The following UBE2E2 variants were observed in gnomAD, a reference collection of about 807,000 sequenced individuals.
The protein encoded by UBE2E2 is ubiquitin conjugating enzyme E2 E2.
A neutral mutation model predicts 24.7 loss-of-function variants in UBE2E2; 6 were observed. That is an observed-to-expected ratio of 0.24 (90% confidence interval 0.13 to 0.48). UBE2E2 has a LOEUF of 0.48. Ranked by LOEUF, UBE2E2 falls within the 20% of genes least tolerant of loss-of-function variation. The pLI is 0.99. For synonymous variants in UBE2E2, 104 were observed against 83.6 expected (o/e 1.24, Z -1.33); for missense variants, 169 against 245.0 (o/e 0.69, Z 2.07).
chr3:23,373,490 A>G (rs905299538), intron 3 of UBE2E2, among the ~76,000 whole-genome samples: 1 of 152,120 alleles, frequency 6.6e-6, no homozygotes, highest in South Asian at 2.1e-4. Context: ...CTTGGTGCCT[A>G]AGACACCAAA....
chr3:23,527,897 T>C (rs1575686894), intron 4 of UBE2E2, among the ~76,000 whole-genome samples: 1 of 151,918 alleles, frequency 6.6e-6, no homozygotes, highest in South Asian at 2.1e-4. Context: ...TCCTTTGTAA[T>C]ATATTTTATA....
chr3:23,216,954 G>T (rs1286835902), intron 2 of UBE2E2, among the ~76,000 whole-genome samples: 1 of 152,114 alleles, frequency 6.6e-6, no homozygotes, highest in Non-Finnish European at 1.5e-5. Context: ...AAGTTAAAAT[G>T]ACCCATGAAT....
At chr3:23,551,662 C>T (rs189011788) in intron 5 of UBE2E2, among the ~76,000 whole-genome samples, 7 of 152,128 alleles carry the variant, frequency 4.6e-5, no homozygotes, top group Admixed American at 1.3e-4. Flanking sequence ...AGAGGATTAT[C>T]CTGGAGTAGA....
intron 3 of UBE2E2, among the ~76,000 whole-genome samples, chr3:23,441,538 CA>C (rs147766521): frequency 1.0e-3 from 96 of 95,764 alleles, no homozygotes; most frequent in Admixed American, 2.0e-3. Context: ...GACTCCGTCT[CA>C]AAAAAAAAAA....
At chr3:23,333,631 G>C (rs1329830795) in intron 3 of UBE2E2, among the ~76,000 whole-genome samples, 1 of 152,022 alleles carries the variant, frequency 6.6e-6, no homozygotes, top group Non-Finnish European at 1.5e-5. Context: ...CATTACAAGA[G>C]AATGATGAAT....
downstream of UBE2E2, chr3:23,591,925 C>G (rs926731360): frequency 2.6e-5 from 4 of 152,062 alleles, no homozygotes; most frequent in Admixed American, 2.0e-4. Context: ...TATTAAACTG[C>G]TTTTTTCCCC....
intron 5 of UBE2E2, among the ~76,000 whole-genome samples, chr3:23,537,426 T>A (rs1307155853): frequency 6.6e-6 from 1 of 152,234 alleles, no homozygotes; most frequent in Non-Finnish European, 1.5e-5. Flanking sequence ...CAGTCTTAGA[T>A]GTGTGCAGAT....
At chr3:23,304,909 AC>A (rs1699200204) in intron 3 of UBE2E2, among the ~76,000 whole-genome samples, 1 of 151,808 alleles carries the variant, frequency 6.6e-6, no homozygotes, top group African/African-American at 2.4e-5. Flanking sequence ...AGTGAATCTT[AC>A]CCATGGATGA....
chr3:23,269,437 G>A (rs1327764170), intron 3 of UBE2E2, among the ~76,000 whole-genome samples: 1 of 152,124 alleles, frequency 6.6e-6, no homozygotes, highest in Non-Finnish European at 1.5e-5. Context: ...TTGCTCTTGG[G>A]GACACATTGA....
chr3:23,279,855 G>A (rs765315669), intron 3 of UBE2E2, among the ~76,000 whole-genome samples: 7 of 152,182 alleles, frequency 4.6e-5, no homozygotes, highest in Non-Finnish European at 7.4e-5. Flanking sequence ...TAACAGTGTA[G>A]GCATACATGA....
chr3:23,424,627 A>T (rs536140847), intron 3 of UBE2E2, among the ~76,000 whole-genome samples: 7 of 152,172 alleles, frequency 4.6e-5, no homozygotes, highest in African/African-American at 1.4e-4. Flanking sequence ...TTTAAGAATG[A>T]AAAAGCAAAT....
intron 3 of UBE2E2, among the ~76,000 whole-genome samples, chr3:23,492,126 T>C (rs1699512517): frequency 6.6e-6 from 1 of 152,146 alleles, no homozygotes; most frequent in Non-Finnish European, 1.5e-5. Flanking sequence ...ACAAACAACA[T>C]GGAGTAGAAC....
rs538479663 is a variant in UBE2E2, at chr3:23,588,418, T to G, written c.509-1316T>G. 8.8e-4 allele frequency among the ~76,000 whole-genome samples: 119 copies of G among 135,912 alleles called. 2 individuals carry two copies. The highest frequency in any genetic ancestry group is 1.6e-3 in the Admixed American group (23 of 14,172). The allele number at this position is 135,912 out of a possible 152,430, so 89.2% of individuals were successfully genotyped here. A position where few individuals can be genotyped will look rare whatever the true frequency, so the allele number is the denominator to read the frequency against. The stretch of plus-strand genomic sequence containing the variant: ...TGTTTTTTTGTTTTTTTGTTTTTTT[T>G]TTTTTGTCTTTTTTTTTAAAGAGGG... On this transcript the variant is annotated intron_variant, in intron 5 of 5. Coordinates refer to ENST00000396703, the MANE Select transcript of UBE2E2 (RefSeq NM_152653.4).
Position 23,591,609 on chromosome 3 carries a change from G to A in UBE2E2, c.*1778G>A, listed in dbSNP as rs1455726832. The A allele has an allele frequency of 6.6e-6, 1 of 152,158 alleles. No individual in the cohort carries two copies. The highest frequency in any genetic ancestry group is 2.4e-5 in the African/African-American group (1 of 41,430). The allele number at this position is 152,158 out of a possible 1,614,324, so 9.4% of individuals were successfully genotyped here. ...AGGGAGCCACAGACAGTACATAAATGCATTGGGCAGAGCTATATTCCAGTG... is the reference window on the plus strand; with the variant it reads ...AGGGAGCCACAGACAGTACATAAATACATTGGGCAGAGCTATATTCCAGTG... On this transcript the variant is annotated 3_prime_UTR_variant, in exon 6 of 6. Transcript: ENST00000396703.
chr3:23,508,831 G>A (rs999900059), intron 4 of UBE2E2, among the ~76,000 whole-genome samples: 8 of 152,308 alleles, frequency 5.3e-5, no homozygotes, highest in Middle Eastern at 6.8e-3. Context: ...GTTCTTCCGC[G>A]GAGAAGTTAT....
chr3:23,215,568 C>G (rs1011414432), intron 2 of UBE2E2, among the ~76,000 whole-genome samples: 2 of 152,092 alleles, frequency 1.3e-5, no homozygotes, highest in African/African-American at 4.8e-5. Flanking sequence ...GATTACTTCC[C>G]CCTATGCCCC....
At chr3:23,374,776 C>T (rs374283392) in intron 3 of UBE2E2, among the ~76,000 whole-genome samples, 10 of 152,100 alleles carry the variant, frequency 6.6e-5, no homozygotes, top group South Asian at 2.1e-4. Flanking sequence ...AAATTATTTT[C>T]GGCCATTTAT....
At chr3:23,576,093 A>G (rs1006452640) in intron 5 of UBE2E2, among the ~76,000 whole-genome samples, 4 of 152,174 alleles carry the variant, frequency 2.6e-5, no homozygotes, top group Admixed American at 2.6e-4. Flanking sequence ...GTTGAAGAGA[A>G]GGTAGTATTT....
intron 3 of UBE2E2, among the ~76,000 whole-genome samples, chr3:23,219,567 A>G (rs1355820647): frequency 6.6e-6 from 1 of 152,190 alleles, no homozygotes; most frequent in Non-Finnish European, 1.5e-5. Flanking sequence ...CATTGGCCTA[A>G]TGACTGTAAT....
Sources: gnomAD v4.1 joint callset for allele counts (sites outside exome capture counted in the v4.1 genomes callset) on GRCh38, gnomAD v4.1.1 for gene constraint, MANE v1.5 for transcripts, NCBI Gene and HGNC (gene_info 2026-07-23, HGNC 2026-07-21) for gene names.